AKAP17A: variants seen among roughly 807,000 people sequenced by gnomAD.
AKAP17A encodes A-kinase anchoring protein 17A.
AKAP17A carries 15 observed loss-of-function variants against 52.2 expected under a neutral mutation model. The ratio of observed to expected loss-of-function variants is 0.29; its 90% CI spans 0.19 to 0.44. The LOEUF (loss-of-function observed/expected upper bound fraction) is 0.44. AKAP17A is among the 20% of genes least tolerant of loss of function. The probability of loss-of-function intolerance (pLI) is 1.00; values close to 1 mark genes in which losing one functional copy is unlikely to be tolerated. For synonymous variants in AKAP17A, 514 were observed against 424.7 expected (o/e 1.21, Z -2.58); for missense variants, 1,060 against 1,007.0 (o/e 1.05, Z -0.71).
intron 1 of AKAP17A, 117 bp from the exon 2 acceptor site, chrX:1,593,327 G>C: frequency 1.0e-6 from 1 of 1,000,208 alleles, no homozygotes; most frequent in Admixed American, 2.2e-5. Flanking sequence ...TGACACGGCA[G>C]AGAGACACTG....
intron 4 of AKAP17A, 195 bp downstream of exon 4, chrX:1,599,627 G>C (rs1207601357): frequency 1.2e-6 from 1 of 832,980 alleles, no homozygotes; most frequent in Non-Finnish European, 2.0e-6. Flanking sequence ...GATGATTTCA[G>C]AGCTGTGACG....
chrX:1,597,840 A>G (rs1337632718), intron 3 of AKAP17A, among the ~76,000 whole-genome samples: 1 of 151,872 alleles, frequency 6.6e-6, no homozygotes, highest in African/African-American at 2.4e-5. Flanking sequence ...GGGCCGGGCC[A>G]TGAGGTTCTC....
In AKAP17A at chrX:1,601,577, A is replaced by G; in HGVS notation, c.2071A>G (p.Ser691Gly). The stretch of plus-strand genomic sequence containing the variant: ...CTCCCGGTCCCCGAGCAGGCACCGC[A>G]GTACCTGGAACAGGTAATGACGGGC... ...SRSRSPSRHR[S>G]TWNR is the part of the protein sequence containing the mutation. Residue 691 changes from serine to glycine, a missense_variant, in exon 5 of 5, where the codon AGT (serine) becomes GGT (glycine). This residue lies in a region of AKAP17A where 793 missense variants were observed against 629.9 expected (regional missense o/e 1.26). Coordinates refer to ENST00000313871, the MANE Select transcript of AKAP17A (RefSeq NM_005088.3). The G allele has an allele frequency of 6.9e-7, 1 of 1,451,038 alleles. No individual in the cohort carries two copies. The highest frequency in any genetic ancestry group is 9.0e-7 in the Non-Finnish European group (1 of 1,110,080). 89.9% of individuals were successfully genotyped at this position (1,451,038 alleles called of 1,614,324 possible).
intron 4 of AKAP17A, chrX:1,599,804 G>C (rs1294372100): frequency 1.7e-6 from 1 of 602,182 alleles, no homozygotes; most frequent in Non-Finnish European, 3.0e-6. Flanking sequence ...TGGCCTGGCT[G>C]TGACCTCACC....
At position 1,594,188 on chromosome X, in the gene AKAP17A, G is replaced by C; in HGVS notation, c.726G>C (p.Lys242Asn). 2 of 1,569,734 alleles carry C rather than the reference G, an allele frequency of 1.3e-6. No individual in the cohort carries two copies. Among genetic ancestry groups the C allele is most frequent in the Non-Finnish European group, 1.7e-6 (2 of 1,154,614 alleles). Residue 242 changes from lysine (K) to asparagine (N), a missense_variant, in exon 2 of 5, where the codon AAG becomes AAC. Physicochemically the swap from Lys to Asn is moderately conservative, Grantham distance 94 (BLOSUM62 0). Transcript: ENST00000313871. ...TGCGCGGGATGAAACTCATGTACAA[G>C]GGCGAGGACGGCAAGGCCGTGGCCT... ...SALRGMKLMY[K>N]GEDGKAVACN...
chrX:1,593,039 C>T (rs1476906502), intron 1 of AKAP17A, among the ~76,000 whole-genome samples: 5 of 152,130 alleles, frequency 3.3e-5, no homozygotes, highest in Non-Finnish European at 5.9e-5. Flanking sequence ...CCTTCCCTTC[C>T]CCAGTGTCTC....
At position 1,595,417 on chromosome X, in the gene AKAP17A, G is replaced by A. The variant is rs1481179364; in HGVS notation, c.796G>A (p.Ala266Thr). The change falls in exon 3 of 5, where the codon GCC becomes ACC. Residue 266 changes from alanine (A) to threonine (T), a missense_variant. This residue lies in a region of AKAP17A where 793 missense variants were observed against 629.9 expected (regional missense o/e 1.26). Coordinates refer to ENST00000313871, the MANE Select transcript of AKAP17A (RefSeq NM_005088.3). ...TGATTCGACCAAACACCTGAGTGAT[G>A]CCTCAATTAAGAAGCGGCAGCTGGA... ...SFDSTKHLSD[A>T]SIKKRQLERQ... 1 of 1,614,020 alleles carries A rather than the reference G, an allele frequency of 6.2e-7. No individual in the cohort carries two copies. Among genetic ancestry groups the A allele is most frequent in the Admixed American group, 1.7e-5 (1 of 60,020 alleles).
chrX:1,598,316 G>A (rs1272214794), intron 3 of AKAP17A, among the ~76,000 whole-genome samples: 5 of 152,200 alleles, frequency 3.3e-5, no homozygotes, highest in Non-Finnish European at 7.3e-5. Flanking sequence ...CCTTCTTGGG[G>A]TGGCAGAGCG....
At chrX:1,600,155 G>A in intron 4 of AKAP17A, 1 of 1,304,070 alleles carries the variant, frequency 7.7e-7, no homozygotes, top group South Asian at 1.2e-5. Context: ...AAGTCCCCGG[G>A]AAGGAGCATG....
intron 4 of AKAP17A, chrX:1,600,317 G>C (rs1183146909): frequency 1.5e-5 from 12 of 818,446 alleles, no homozygotes; most frequent in Non-Finnish European, 2.2e-5. Context: ...GGCCGCTTGT[G>C]ACCTAACCGC....
chrX:1,593,460 G>T lies in AKAP17A; in HGVS notation c.-3G>T. 1 of 1,611,572 alleles carries T rather than the reference G, an allele frequency of 6.2e-7. No homozygotes were observed. The highest frequency in any genetic ancestry group is 2.2e-5 in the East Asian group (1 of 44,812). ...ATGTTTCAGGCCCAAGGTCCCGGAG[G>T]CTATGGCAGCGGCTACCATCGTGCA... On this transcript the variant is annotated 5_prime_UTR_variant, in exon 2 of 5. Coordinates refer to ENST00000313871, the MANE Select transcript of AKAP17A (RefSeq NM_005088.3).
chrX:1,599,509 G>A (rs1167947161), intron 4 of AKAP17A, 77 bp downstream of exon 4: 37 of 1,545,012 alleles, frequency 2.4e-5, no homozygotes, highest in Non-Finnish European at 2.8e-5. Context: ...TGCGGGCGGC[G>A]TCACGGCGCC....
chrX:1,599,756 G>C (rs762124717), intron 4 of AKAP17A: 1 of 611,588 alleles, frequency 1.6e-6, no homozygotes, highest in East Asian at 2.7e-5. Flanking sequence ...AGTGCAGGGG[G>C]CCGCTCCCTC....
At chrX:1,592,408 T>TACC in intron 1 of AKAP17A, among the ~76,000 whole-genome samples, 1 of 151,300 alleles carries the variant, frequency 6.6e-6, no homozygotes, top group African/African-American at 2.4e-5. Flanking sequence ...CAGCCAGGTG[T>TACC]ACCGGGGTGG....
rs1235169411 is a variant in AKAP17A at position 1,601,334 on chromosome X, A to T, written c.1828A>T (p.Ser610Cys). 6.3e-7 allele frequency: 1 copy of T among 1,599,162 alleles called. No homozygotes were observed. Among genetic ancestry groups the T allele is most frequent in the East Asian group, 2.2e-5 (1 of 44,580 alleles). Residue 610 changes from serine to cysteine, a missense_variant, in exon 5 of 5, where the codon AGC becomes TGC. Around this residue, in one of 2 missense-constraint regions of AKAP17A, gnomAD observed 793 missense variants for 629.9 expected, o/e 1.26. Transcript: ENST00000313871. Reference sequence around the variant, plus strand: ...GGAGAGGAGCCGGGCCAGGCGGGCCAGCAGCAGGGAGGACGGGAGGCCACG... The same window carrying T: ...GGAGAGGAGCCGGGCCAGGCGGGCCTGCAGCAGGGAGGACGGGAGGCCACG... ...KRERSRARRA[S>C]SREDGRPRKE...
intron 1 of AKAP17A, 46 bp from the exon 2 acceptor site, chrX:1,593,398 G>A: frequency 6.4e-7 from 1 of 1,552,128 alleles, no homozygotes; most frequent in Non-Finnish European, 8.7e-7. Context: ...CATTGGCGGG[G>A]GAGGTGGGGG....
Position 1,601,388 on chromosome X carries a change from G to T in AKAP17A, c.1882G>T (p.Ala628Ser), listed in dbSNP as rs184854549. ...RKERRPHKKH[A>S]YKDDSPRRRS... The stretch of plus-strand genomic sequence containing the variant: ...GGAGCGGCGGCCCCACAAGAAGCAC[G>T]CCTACAAGGATGACAGCCCCCGCCG... Residue 628 changes from alanine to serine, a missense_variant, in exon 5 of 5, where the codon GCC becomes TCC. Ala to Ser is a moderately conservative substitution (Grantham distance 99). Coordinates refer to ENST00000313871, the MANE Select transcript of AKAP17A (RefSeq NM_005088.3). The T allele has an allele frequency of 6.4e-7, 1 of 1,568,988 alleles. No homozygotes were observed. Among genetic ancestry groups the T allele is most frequent in the African/African-American group, 1.4e-5 (1 of 73,908 alleles).
chrX:1,597,693 CA>C (rs1354093125), intron 3 of AKAP17A, among the ~76,000 whole-genome samples: 1 of 152,084 alleles, frequency 6.6e-6, no homozygotes, highest in Non-Finnish European at 1.5e-5. Flanking sequence ...TTTCAGAAAG[CA>C]GCTTGCGGGT....
chrX:1,600,391 C>A, intron 4 of AKAP17A: 1 of 625,158 alleles, frequency 1.6e-6, no homozygotes, highest in Non-Finnish European at 2.7e-6. Flanking sequence ...GAGGCCCGCC[C>A]TGGGGCTGCG....
Sources: gnomAD v4.1 joint callset for allele counts (sites outside exome capture counted in the v4.1 genomes callset) on GRCh38, gnomAD v4.1.1 for gene constraint, gnomAD v4.1.1 regional missense constraint, MANE v1.5 for transcripts, NCBI Gene and HGNC (gene_info 2026-07-23, HGNC 2026-07-21) for gene names.